PDE4D: variants seen among roughly 807,000 people sequenced by gnomAD.
PDE4D encodes the protein 3',5'-cyclic-AMP phosphodiesterase 4D.
In PDE4D, 24 loss-of-function variants were observed where a neutral mutation model predicts 87.4. That is an observed-to-expected ratio of 0.27 (90% CI 0.20 to 0.39). PDE4D has a LOEUF of 0.39. PDE4D is among the 10% of genes least tolerant of loss of function. PDE4D has a pLI of 1.00. For synonymous variants in PDE4D, 384 were observed against 383.2 expected (o/e 1.00, Z -0.02); for missense variants, 714 against 1,041.0 (o/e 0.69, Z 4.32).
In PDE4D at chr5:60,398,057, AG is replaced by A. The variant is rs755884779; in HGVS notation, c.-90+89884del. ...AATTAGGATAGACCATGAATCCAAG[AG>A]GTTTTGCTTTGGGAGGAGAAAATGC... is the stretch of plus-strand genomic sequence containing the variant. On this transcript the variant is annotated intron_variant, in intron 1 of 16. Transcript: ENST00000502484. 7.2e-5 allele frequency among the ~76,000 whole-genome samples: 11 copies of A among 152,276 alleles called. No homozygotes were observed. In the South Asian group the frequency reaches 1.0e-3, roughly 14 times the overall value.
intron 2 of PDE4D, among the ~76,000 whole-genome samples, chr5:60,026,692 C>T (rs1009791001): frequency 4.6e-5 from 7 of 152,208 alleles, no homozygotes; most frequent in African/African-American, 1.7e-4. Flanking sequence ...CACTTCTAGC[C>T]CCATGCAACA....
At chr5:59,319,740 T>C (rs533875361) in intron 1 of PDE4D, among the ~76,000 whole-genome samples, 10 of 152,308 alleles carry the variant, frequency 6.6e-5, no homozygotes, top group Admixed American at 6.5e-4. Flanking sequence ...ATAATACTTA[T>C]ACATGCACAG....
intron 1 of PDE4D, among the ~76,000 whole-genome samples, chr5:59,325,807 T>C (rs1775533870): frequency 6.6e-6 from 1 of 152,134 alleles, no homozygotes. Flanking sequence ...TGTCTAAAAT[T>C]GTAACTATTG....
intron 5 of PDE4D, among the ~76,000 whole-genome samples, chr5:59,126,897 G>A (rs1317266252): frequency 1.3e-5 from 2 of 152,164 alleles, no homozygotes; most frequent in African/African-American, 4.8e-5. Context: ...TATTCCTGGC[G>A]GTGGGTGGAG....
At chr5:59,486,929 T>C (rs553086656) in intron 1 of PDE4D, among the ~76,000 whole-genome samples, 158 of 152,348 alleles carry the variant, frequency 1.0e-3, no homozygotes, top group African/African-American at 3.6e-3. Context: ...TCTCCCTGCA[T>C]CAAGAACTTA....
At chr5:59,094,029 C>T (rs1433943031) in intron 5 of PDE4D, among the ~76,000 whole-genome samples, 1 of 151,708 alleles carries the variant, frequency 6.6e-6, no homozygotes, top group African/African-American at 2.4e-5. Flanking sequence ...ATCACCCTGG[C>T]CAACATGGTG....
chr5:58,980,679 A>T lies in PDE4D; in HGVS notation c.1553-3334T>A, dbSNP rs935022726. Among the ~76,000 whole-genome samples the T allele has an allele frequency of 2.4e-5, 3 of 125,054 alleles. No homozygotes were observed. In the East Asian group the frequency reaches 7.4e-4, roughly 31 times the overall value. The allele number at this position is 125,054 out of a possible 152,430, so 82.0% of individuals were successfully genotyped here. The stretch of plus-strand genomic sequence containing the variant: ...TTGTGTCCCTCTCTTCTGAGTGCTA[A>T]TGAAATGGGGGGAAGGGTGGGCAGG... On this transcript the variant is annotated intron_variant, in intron 11 of 14. Coordinates refer to ENST00000340635, the MANE Select transcript of PDE4D (RefSeq NM_001104631.2).
At chr5:60,293,413 CT>C (rs1004917571) in intron 1 of PDE4D, among the ~76,000 whole-genome samples, 29 of 152,182 alleles carry the variant, frequency 1.9e-4, no homozygotes, top group African/African-American at 7.0e-4. Context: ...ACTCGGGAGG[CT>C]GAGGCAGGAG....
At chr5:59,024,983 T>C (rs2968003) in intron 6 of PDE4D, among the ~76,000 whole-genome samples, 86,302 of 151,796 alleles carry the variant, frequency 0.57, 24,859 homozygotes, top group Admixed American at 0.64. Context: ...AGTCAACAAA[T>C]ATTGATTACC....
intron 1 of PDE4D, among the ~76,000 whole-genome samples, chr5:59,440,176 C>T (rs936309021): frequency 2.6e-4 from 40 of 152,084 alleles, no homozygotes; most frequent in African/African-American, 9.2e-4. Context: ...ATTTAGCAGT[C>T]ACTTAAAGTT....
At chr5:60,279,079 C>T (rs1027111812) in intron 1 of PDE4D, among the ~76,000 whole-genome samples, 1 of 152,182 alleles carries the variant, frequency 6.6e-6, no homozygotes, top group Non-Finnish European at 1.5e-5. Flanking sequence ...GGTGGTACTG[C>T]CTCATGATTT....
chr5:59,575,220 G>A (rs183113995), intron 1 of PDE4D, among the ~76,000 whole-genome samples: 137 of 152,178 alleles, frequency 9.0e-4, no homozygotes, highest in African/African-American at 2.9e-3. Flanking sequence ...TAAAAAGAAC[G>A]AAGAGCCACA....
intron 1 of PDE4D, among the ~76,000 whole-genome samples, chr5:59,598,870 G>A (rs149778132): frequency 1.3e-5 from 2 of 152,236 alleles, no homozygotes; most frequent in African/African-American, 4.8e-5. Flanking sequence ...TTTGAGCCCA[G>A]GAGTTCAAGG....
intron 1 of PDE4D, among the ~76,000 whole-genome samples, chr5:59,509,059 C>A (rs1254762216): frequency 6.6e-6 from 1 of 151,892 alleles, no homozygotes; most frequent in African/African-American, 2.4e-5. Context: ...GACACCAACA[C>A]TCATATTTAG....
At chr5:58,991,805 T>C (rs1400211866) in intron 8 of PDE4D, 27 bp downstream of exon 8, 5 of 1,374,762 alleles carry the variant, frequency 3.6e-6, no homozygotes, top group Non-Finnish European at 4.8e-6. Flanking sequence ...TTAATATTTA[T>C]GATCCTGATC....
chr5:59,682,484 T>C (rs1019663795), intron 1 of PDE4D, among the ~76,000 whole-genome samples: 4 of 152,186 alleles, frequency 2.6e-5, no homozygotes, highest in African/African-American at 9.7e-5. Flanking sequence ...TAGTCTATGC[T>C]TTAGACTGAA....
chr5:60,500,164 GT>G, intron 1 of PDE4D, among the ~76,000 whole-genome samples: 1 of 152,090 alleles, frequency 6.6e-6, no homozygotes, highest in South Asian at 2.1e-4. Context: ...AATTAGCTGG[GT>G]GTGGTGGCCA....
intron 1 of PDE4D, among the ~76,000 whole-genome samples, chr5:60,241,287 T>TC (rs1273380187): frequency 6.7e-6 from 1 of 148,644 alleles, no homozygotes; most frequent in Non-Finnish European, 1.5e-5. Context: ...TTTTTTTTTT[T>TC]TTTTCAGATG....
At chr5:59,864,881 C>T (rs1255055048) in intron 1 of PDE4D, among the ~76,000 whole-genome samples, 1 of 152,110 alleles carries the variant, frequency 6.6e-6, no homozygotes, top group Non-Finnish European at 1.5e-5. Flanking sequence ...ACCAGGTTCC[C>T]CAGTGGACCT....
Sources: allele counts gnomAD v4.1 joint callset (sites outside exome capture counted in the v4.1 genomes callset), GRCh38; gene constraint gnomAD v4.1.1; transcripts MANE v1.5; gene names NCBI Gene and HGNC (gene_info 2026-07-23, HGNC 2026-07-21).